Variants in FIG4 observed in about 807,000 individuals in gnomAD.
FIG4 encodes the protein polyphosphoinositide phosphatase.
Under a neutral mutation model 118.6 loss-of-function variants are expected in FIG4, and 112 were observed. The ratio of observed to expected loss-of-function variants is 0.94; its 90% CI spans 0.81 to 1.11. The LOEUF (loss-of-function observed/expected upper bound fraction) is 1.11, where lower values mean the gene tolerates loss of function less well. FIG4 is among the 50% of genes least tolerant of loss of function. The pLI, the probability that FIG4 is intolerant of heterozygous loss-of-function variation, is 0.00. For missense variants in FIG4, 969 were observed against 1,111.7 expected, an observed-to-expected ratio of 0.87 and a Z score of 1.83; for synonymous variants, 369 against 381.2, an observed-to-expected ratio of 0.97 and a Z score of 0.37.
chr6:109,787,445 G>A (rs1403907214), intron 18 of FIG4, among the ~76,000 whole-genome samples: 1 of 152,080 alleles, frequency 6.6e-6, no homozygotes, highest in Non-Finnish European at 1.5e-5. Flanking sequence ...AAGTAAACTT[G>A]TTAAGGTTTA....
At chr6:109,781,113 C>G (rs1258817463) in intron 16 of FIG4, among the ~76,000 whole-genome samples, 1 of 152,152 alleles carries the variant, frequency 6.6e-6, no homozygotes, top group African/African-American at 2.4e-5. Context: ...TTGACAAGTT[C>G]TTGTTTGTCA....
At chr6:109,728,512 T>C (rs1583656626) in intron 4 of FIG4, among the ~76,000 whole-genome samples, 1 of 152,196 alleles carries the variant, frequency 6.6e-6, no homozygotes, top group Non-Finnish European at 1.5e-5. Context: ...AGATTTTAAT[T>C]ATATCCTGTA....
intron 10 of FIG4, among the ~76,000 whole-genome samples, chr6:109,751,835 CTTTTTTTTT>C (rs1776712268): frequency 7.2e-6 from 1 of 139,410 alleles, no homozygotes; most frequent in Admixed American, 7.2e-5. Flanking sequence ...TATTTTTTTT[CTTTTTTTTT>C]ATTATTATTA....
At chr6:109,750,148 A>G (rs1776645277) in intron 10 of FIG4, among the ~76,000 whole-genome samples, 1 of 152,176 alleles carries the variant, frequency 6.6e-6, no homozygotes, top group Non-Finnish European at 1.5e-5. Flanking sequence ...TTTCTCTTTT[A>G]CCCTGTGTTG....
chr6:109,756,969 T>C (rs1220913569), intron 10 of FIG4, among the ~76,000 whole-genome samples: 4 of 152,216 alleles, frequency 2.6e-5, no homozygotes, highest in Non-Finnish European at 4.4e-5. Context: ...CTTTGTTCCA[T>C]TGCTGGTGAG....
At chr6:109,772,836 G>A (rs74975304) in intron 15 of FIG4, among the ~76,000 whole-genome samples, 15,424 of 152,244 alleles carry the variant, frequency 0.1, 1,025 homozygotes, top group East Asian at 0.25. Flanking sequence ...TAGAGTTTCT[G>A]AGGATCAGAA....
At chr6:109,821,767 G>A (rs1490699597) in intron 22 of FIG4, among the ~76,000 whole-genome samples, 4 of 152,312 alleles carry the variant, frequency 2.6e-5, no homozygotes, top group East Asian at 3.9e-4. Context: ...GACCCACAGC[G>A]CATATAAAGG....
intron 22 of FIG4, among the ~76,000 whole-genome samples, chr6:109,810,476 G>T (rs1358924337): frequency 6.6e-6 from 1 of 152,096 alleles, no homozygotes; most frequent in Non-Finnish European, 1.5e-5. Flanking sequence ...CTGGTTCATT[G>T]GTTCATTTAT....
intron 10 of FIG4, among the ~76,000 whole-genome samples, chr6:109,750,936 C>G (rs961555872): frequency 6.6e-6 from 1 of 151,964 alleles, no homozygotes; most frequent in African/African-American, 2.4e-5. Context: ...TAATTTTCTC[C>G]GATATATAAA....
rs1778701789 is a variant in FIG4 at position 109,810,889 on chromosome 6, AGAGTAT to A, written c.2546+14042_2546+14047del. On this transcript the variant is annotated intron_variant, in intron 22 of 22. Coordinates refer to ENST00000230124, the MANE Select transcript of FIG4 (RefSeq NM_014845.6). ...TGTCCCAGTTCCCTCAGTATCAGAA[AGAGTAT>A]GAGGCAGAGAACCAGGCTGGTCAGA... Among the ~76,000 whole-genome samples the A allele has an allele frequency of 2.0e-5, 3 of 152,228 alleles. 1 individual carries two copies. In the South Asian group the frequency reaches 6.2e-4, roughly 31 times the overall value.
At chr6:109,699,789 C>T (rs1381698197) in intron 1 of FIG4, among the ~76,000 whole-genome samples, 2 of 152,132 alleles carry the variant, frequency 1.3e-5, no homozygotes, top group East Asian at 1.9e-4. Flanking sequence ...CAGGTGTGAG[C>T]CACCGTGCCT....
intron 15 of FIG4, among the ~76,000 whole-genome samples, chr6:109,775,627 A>G (rs1283624960): frequency 6.6e-6 from 1 of 152,170 alleles, no homozygotes; most frequent in African/African-American, 2.4e-5. Context: ...TGTATTATGT[A>G]AAGAGGGTAC....
chr6:109,752,932 G>A (rs1194080899), intron 10 of FIG4, among the ~76,000 whole-genome samples: 2 of 152,058 alleles, frequency 1.3e-5, no homozygotes, highest in Non-Finnish European at 1.5e-5. Context: ...TGTCCTGAAT[G>A]GTAATGCCTA....
chr6:109,714,088 C>T (rs756441447), intron 1 of FIG4, among the ~76,000 whole-genome samples: 1 of 152,174 alleles, frequency 6.6e-6, no homozygotes, highest in African/African-American at 2.4e-5. Context: ...CATAAGCCAG[C>T]GTGTTGCCCC....
intron 21 of FIG4, 106 bp from the exon 22 acceptor site, chr6:109,796,659 T>A (rs1179147307): frequency 2.5e-6 from 2 of 784,724 alleles, no homozygotes; most frequent in Non-Finnish European, 4.7e-6. Flanking sequence ...TTTTCTGAAA[T>A]AAGCATACTA....
chr6:109,719,691 G>T (rs1320285263), intron 3 of FIG4, among the ~76,000 whole-genome samples: 3 of 152,164 alleles, frequency 2.0e-5, no homozygotes, highest in Non-Finnish European at 4.4e-5. Context: ...ACCGTGCTCA[G>T]CCTGAACTGT....
At chr6:109,718,322 T>C (rs557583710) in intron 3 of FIG4, among the ~76,000 whole-genome samples, 3 of 152,300 alleles carry the variant, frequency 2.0e-5, no homozygotes, top group African/African-American at 2.4e-5. Flanking sequence ...AGGATTACAA[T>C]GGAACATGAG....
In FIG4 at chr6:109,706,064, C is replaced by A. The variant is rs567095609; in HGVS notation, c.67-9014C>A. Reference sequence around the variant, plus strand: ...TCTTTCACCTAACACTTAGCTAATGCCTGAGGCACCATATTGTGCTACTAG... The same window carrying A: ...TCTTTCACCTAACACTTAGCTAATGACTGAGGCACCATATTGTGCTACTAG... On this transcript the variant is annotated intron_variant, in intron 1 of 22. Transcript: ENST00000230124. 8.5e-5 allele frequency among the ~76,000 whole-genome samples: 13 copies of A among 152,312 alleles called. No homozygotes were observed. In the South Asian group the frequency reaches 2.7e-3, roughly 32 times the overall value.
Position 109,762,086 on chromosome 6 carries a change from C to G in FIG4, c.1272-5C>G. The G allele has an allele frequency of 6.4e-7, 1 of 1,572,404 alleles. No individual in the cohort carries two copies. Among genetic ancestry groups the G allele is most frequent in the South Asian group, 1.1e-5 (1 of 90,228 alleles). On this transcript the variant is annotated splice_polypyrimidine_tract_variant and splice_region_variant and intron_variant, in intron 11 of 22. Coordinates refer to ENST00000230124, the MANE Select transcript of FIG4 (RefSeq NM_014845.6). ...CACTTTTCTCATTCTTCCTTCTCTCCTCAGCAAGCTGTGTAATGTTCTTGA... is the reference window on the plus strand; with the variant it reads ...CACTTTTCTCATTCTTCCTTCTCTCGTCAGCAAGCTGTGTAATGTTCTTGA...
Sources: gnomAD v4.1 joint callset for allele counts (sites outside exome capture counted in the v4.1 genomes callset) on GRCh38, gnomAD v4.1.1 for gene constraint, MANE v1.5 for transcripts, NCBI Gene and HGNC (gene_info 2026-07-23, HGNC 2026-07-21) for gene names.